Variants in BSN observed in about 807,000 individuals in gnomAD.
BSN encodes the protein protein bassoon.
Under a neutral mutation model 264.8 loss-of-function variants are expected in BSN, and 57 were observed. The ratio of observed to expected loss-of-function variants is 0.22; its 90% CI spans 0.17 to 0.27. BSN has a LOEUF of 0.27. Ranked by LOEUF, BSN falls within the 10% of genes least tolerant of loss-of-function variation. The pLI, the probability that BSN is intolerant of heterozygous loss-of-function variation, is 1.00. For missense variants in BSN, 4,615 were observed against 5,232.5 expected (o/e 0.88, Z 3.64); for synonymous variants, 2,059 against 2,137.3 (o/e 0.96, Z 1.01).
At chr3:49,593,556 A>G (rs1277444768) in intron 1 of BSN, among the ~76,000 whole-genome samples, 1 of 152,064 alleles carries the variant, frequency 6.6e-6, no homozygotes, top group East Asian at 1.9e-4. Flanking sequence ...CTTTGTAAGT[A>G]TTTGGTTGTT....
chr3:49,673,087 C>CGTTTTTTTTTTT, downstream of BSN, among the ~76,000 whole-genome samples: 1 of 43,216 alleles, frequency 2.3e-5, no homozygotes, highest in South Asian at 1.1e-3. Flanking sequence ...CCGGCCGGGA[C>CGTTTTTTTTTTT]TTTTTTTTTT....
chr3:49,637,560 C>T (rs1308713393), intron 2 of BSN, among the ~76,000 whole-genome samples: 1 of 152,154 alleles, frequency 6.6e-6, no homozygotes, highest in Non-Finnish European at 1.5e-5. Context: ...ATACAGCCTC[C>T]AGCTTGGGCC....
chr3:49,608,157 C>T (rs1380683893), intron 1 of BSN, among the ~76,000 whole-genome samples: 1 of 152,188 alleles, frequency 6.6e-6, no homozygotes, highest in Non-Finnish European at 1.5e-5. Flanking sequence ...TCCTGACTCT[C>T]ACGGGCTGAG....
At chr3:49,599,968 C>T (rs543229969) in intron 1 of BSN, among the ~76,000 whole-genome samples, 2 of 152,314 alleles carry the variant, frequency 1.3e-5, no homozygotes, top group South Asian at 2.1e-4. Context: ...GGGAGTCCTG[C>T]TGTGTGCTTA....
At chr3:49,609,197 G>T (rs944408523) in intron 1 of BSN, among the ~76,000 whole-genome samples, 4 of 150,082 alleles carry the variant, frequency 2.7e-5, no homozygotes, top group African/African-American at 9.8e-5. Flanking sequence ...AACCTCCTAG[G>T]CTCAAGGGAT....
Position 49,653,856 on chromosome 3 carries a change from G to C in BSN, c.4300G>C (p.Asp1434His), listed in dbSNP as rs1179139937. The change falls in exon 5 of 12, where the codon GAT becomes CAT. Residue 1434 changes from aspartate (D) to histidine (H), a missense_variant. Coordinates refer to ENST00000296452, the MANE Select transcript of BSN (RefSeq NM_003458.4). This position sits in a 1 kb window ranked among gnomAD's most constrained non-coding sequence, Gnocchi z 6.3. ...TGCAAACTATGGGTCCCAAACTGAG[G>C]ATCTACCCCAGGCCCCCAGTGGCCT... The part of the protein sequence containing the change: ...TTANYGSQTE[D>H]LPQAPSGLAA... The C allele has an allele frequency of 4.3e-6, 7 of 1,614,064 alleles. No homozygotes were observed. In the South Asian group the frequency reaches 7.7e-5, roughly 18 times the overall value.
intron 1 of BSN, among the ~76,000 whole-genome samples, chr3:49,572,771 G>A (rs1251826024): frequency 6.6e-6 from 1 of 152,176 alleles, no homozygotes; most frequent in East Asian, 1.9e-4. Context: ...CTGACCTTGT[G>A]ATCCGCCCGC....
chr3:49,601,185 G>C (rs921362683), intron 1 of BSN, among the ~76,000 whole-genome samples: 1 of 152,186 alleles, frequency 6.6e-6, no homozygotes, highest in African/African-American at 2.4e-5. Context: ...TTCTCCAAGA[G>C]GAAGGCAAGT....
chr3:49,651,777 G>A lies in BSN; in HGVS notation c.2221G>A (p.Ala741Thr), dbSNP rs34762726. Residue 741 changes from alanine (A) to threonine (T), a missense_variant, in exon 5 of 12, where the codon GCC becomes ACC. By Grantham distance (58) the Ala-to-Thr change is moderately conservative (BLOSUM62 0). This residue lies in a region of BSN where 1,197 missense variants were observed against 1,348.0 expected (regional missense o/e 0.89). Coordinates refer to ENST00000296452, the MANE Select transcript of BSN (RefSeq NM_003458.4). This position sits in a 1 kb window ranked among gnomAD's most constrained non-coding sequence, Gnocchi z 5.4. ...MRPLLQAQGLAPSERSKPLSS... is the reference protein window; with the variant it reads ...MRPLLQAQGLTPSERSKPLSS... ...GCCTTTGCTGCAGGCCCAGGGCCTG[G>A]CCCCAAGTGAGCGGAGCAAGCCACT... 458,104 of 1,612,844 alleles carry A rather than the reference G, an allele frequency of 0.28. 69,051 individuals carry two copies. Among genetic ancestry groups the A allele is most frequent in the Middle Eastern group, 0.3 (1,810 of 5,944 alleles).
At chr3:49,649,228 G>A (rs779608279) in intron 3 of BSN, among the ~76,000 whole-genome samples, 1 of 152,230 alleles carries the variant, frequency 6.6e-6, no homozygotes, top group Non-Finnish European at 1.5e-5. Flanking sequence ...CAGCCTTCCT[G>A]GGGGTGGCAA....
chr3:49,605,854 T>TAATATATCTATTTATATATAGATATA (rs1553661844), intron 1 of BSN, among the ~76,000 whole-genome samples: 2 of 54,262 alleles, frequency 3.7e-5, no homozygotes, highest in Non-Finnish European at 6.6e-5. Context: ...TATTTATATA[T>TAATATATCTATTTATATATAGATATA]AATATATTTA....
In BSN at chr3:49,575,424, GTATA is replaced by G. The variant is rs554288315; in HGVS notation, c.224+20604_224+20607del. On this transcript the variant is annotated intron_variant, in intron 1 of 11. Coordinates refer to ENST00000296452, the MANE Select transcript of BSN (RefSeq NM_003458.4). ...TATATATATGTAAATATATATATGTGTATATATATGTAAATATATATGTGTGTAT... is the reference window on the plus strand; with the variant it reads ...TATATATATGTAAATATATATATGTGTATATGTAAATATATATGTGTGTAT... Among the ~76,000 whole-genome samples the G allele has an allele frequency of 1.2e-3, 183 of 146,718 alleles. 2 individuals are homozygous for G. In the South Asian group the frequency reaches 0.018, roughly 14 times the overall value.
At chr3:49,562,951 AT>A (rs2051725955) in intron 1 of BSN, among the ~76,000 whole-genome samples, 1 of 152,092 alleles carries the variant, frequency 6.6e-6, no homozygotes, top group African/African-American at 2.4e-5. Flanking sequence ...AAAATGAGAG[AT>A]TTAACTAGAT....
chr3:49,565,010 A>G (rs192507582), intron 1 of BSN, among the ~76,000 whole-genome samples: 1 of 151,924 alleles, frequency 6.6e-6, no homozygotes, highest in Admixed American at 6.5e-5. Flanking sequence ...AAAAAAAAGA[A>G]GAAAAGAAGA....
chr3:49,614,209 G>A (rs886444395), intron 1 of BSN, among the ~76,000 whole-genome samples: 17 of 151,848 alleles, frequency 1.1e-4, no homozygotes, highest in Non-Finnish European at 2.2e-4. Flanking sequence ...ACAGATGCCC[G>A]CCACCACGCC....
rs201865133 is a variant in BSN, at chr3:49,661,716, T to C, written c.9871T>C (p.Ser3291Pro). The change falls in exon 6 of 12, where the codon TCT becomes CCT. Residue 3291 changes from serine to proline, a missense_variant. This residue lies in a region of BSN where 3,415 missense variants were observed against 3,866.4 expected (regional missense o/e 0.88). Coordinates refer to ENST00000296452, the MANE Select transcript of BSN (RefSeq NM_003458.4). The stretch of plus-strand genomic sequence containing the variant: ...CTGCTATGCCAGAGGAGAAGAGGAA[T>C]CTGAGGAGGACTCATACGATCCCCG... ...PCCYARGEEE[S>P]EEDSYDPRGK... The C allele has an allele frequency of 1.6e-4, 259 of 1,613,568 alleles. No individual in the cohort carries two copies. Among genetic ancestry groups the C allele is most frequent in the Non-Finnish European group, 2.0e-4 (232 of 1,180,020 alleles).
chr3:49,660,959 T>A lies in BSN; in HGVS notation c.9114T>A (p.Thr3038=). The A allele has an allele frequency of 6.2e-7, 1 of 1,611,950 alleles. No individual in the cohort carries two copies. The highest frequency in any genetic ancestry group is 1.3e-5 in the African/African-American group (1 of 75,028). The part of the protein sequence containing the change: ...PAGQFVDFPA[T]AAAPATPSGP... The stretch of plus-strand genomic sequence containing the variant: ...GCCAGTTTGTGGACTTCCCTGCCAC[T>A]GCCGCTGCTCCTGCCACCCCCTCTG... The change falls in exon 6 of 12, where the codon ACT becomes ACA. Residue 3038 remains threonine, a synonymous_variant. Transcript: ENST00000296452. This position sits in a 1 kb window ranked among gnomAD's most constrained non-coding sequence, Gnocchi z 7.1.
chr3:49,636,016 C>T (rs904635114), intron 2 of BSN, among the ~76,000 whole-genome samples: 2 of 151,958 alleles, frequency 1.3e-5, no homozygotes, highest in African/African-American at 4.8e-5. Context: ...ATACTTCCCA[C>T]TAAGCACTTC....
intron 1 of BSN, among the ~76,000 whole-genome samples, chr3:49,607,308 G>A (rs751977809): frequency 6.6e-6 from 1 of 152,192 alleles, no homozygotes; most frequent in Non-Finnish European, 1.5e-5. Flanking sequence ...TGCCTACTGG[G>A]CATTTGGCAC....
Sources: gnomAD v4.1 joint callset for allele counts (sites outside exome capture counted in the v4.1 genomes callset) on GRCh38, gnomAD v4.1.1 for gene constraint, gnomAD v4.1.1 regional missense constraint, Gnocchi (gnomAD v3.1) non-coding constraint, MANE v1.5 for transcripts, NCBI Gene and HGNC (gene_info 2026-07-23, HGNC 2026-07-21) for gene names.